Variants in SLCO2B1 observed in about 807,000 individuals in gnomAD.
SLCO2B1 encodes the protein OATP-RP2.
SLCO2B1 carries 41 observed loss-of-function variants against 67.3 expected under a neutral mutation model. The observed-to-expected ratio is 0.61, with a 90% CI of 0.47 to 0.79. The LOEUF (loss-of-function observed/expected upper bound fraction) is 0.79. SLCO2B1 is among the 30% of genes least tolerant of loss of function. The pLI, the probability that SLCO2B1 is intolerant of heterozygous loss-of-function variation, is 0.00. For missense variants in SLCO2B1, 837 were observed against 920.1 expected (o/e 0.91, Z 1.17); for synonymous variants, 379 against 381.4 (o/e 0.99, Z 0.07).
chr11:75,160,985 G>C (rs1407113829), intron 1 of SLCO2B1, among the ~76,000 whole-genome samples: 1 of 152,190 alleles, frequency 6.6e-6, no homozygotes, highest in Non-Finnish European at 1.5e-5. Flanking sequence ...AGTGTAAAAT[G>C]GTGTTGCCAC....
rs1480114083 is a variant in SLCO2B1, at chr11:75,193,043, G to A, written c.1076-175G>A. On this transcript the variant is annotated intron_variant, in intron 8 of 13. Transcript: ENST00000289575. This position sits in a 1 kb window ranked among gnomAD's most constrained non-coding sequence, Gnocchi z 4.2. ...GGGCGACAGAGAGAGAAAAAAAAAGGGACTAGAGTAAATGGAATGGAGTCA... is the reference window on the plus strand; with the variant it reads ...GGGCGACAGAGAGAGAAAAAAAAAGAGACTAGAGTAAATGGAATGGAGTCA... 6.6e-6 allele frequency among the ~76,000 whole-genome samples: 1 copy of A among 152,150 alleles called. No homozygotes were observed. Among genetic ancestry groups the A allele is most frequent in the African/African-American group, 2.4e-5 (1 of 41,434 alleles).
At position 75,198,786 on chromosome 11, in the gene SLCO2B1, C is replaced by T. The variant is rs148652494; in HGVS notation, c.1600-1438C>T. 2.6e-3 allele frequency among the ~76,000 whole-genome samples: 397 copies of T among 152,276 alleles called. 3 individuals carry two copies. The highest frequency in any genetic ancestry group is 9.2e-3 in the African/African-American group (382 of 41,546). On this transcript the variant is annotated intron_variant, in intron 10 of 13. Coordinates refer to ENST00000289575, the MANE Select transcript of SLCO2B1 (RefSeq NM_007256.5). ...GGTGGCTCAGTGCCCAGCACAGCTG[C>T]TCAGTAACAGCTTATGAGTGCATGA...
intron 7 of SLCO2B1, 24 bp from the exon 8 acceptor site, chr11:75,188,112 T>C: frequency 1.3e-6 from 2 of 1,570,350 alleles, no homozygotes; most frequent in Non-Finnish European, 1.8e-6. Context: ...CAGCGGACTG[T>C]CCTTGGTTTT....
chr11:75,151,654 T>G (rs1350705439), intron 1 of SLCO2B1: 1 of 551,422 alleles, frequency 1.8e-6, no homozygotes, highest in Admixed American at 3.2e-5. Context: ...GACCGAGACT[T>G]AGAGGACAAC....
At chr11:75,203,509 G>A (rs1945219622) in intron 13 of SLCO2B1, 82 bp downstream of exon 13, 2 of 1,566,468 alleles carry the variant, frequency 1.3e-6, no homozygotes, top group Admixed American at 1.7e-5. Context: ...AGGGAGGGGA[G>A]GTTTCATTTA....
intron 7 of SLCO2B1, among the ~76,000 whole-genome samples, chr11:75,174,678 C>T (rs1014715802): frequency 6.6e-6 from 1 of 152,046 alleles, no homozygotes; most frequent in Admixed American, 6.5e-5. Flanking sequence ...GCCAAAGTTT[C>T]GAGAAGATGA....
chr11:75,158,523 T>C (rs1174771052), intron 1 of SLCO2B1, among the ~76,000 whole-genome samples: 1 of 152,034 alleles, frequency 6.6e-6, no homozygotes, highest in Non-Finnish European at 1.5e-5. Context: ...ACAGCAACTC[T>C]CAAATGAGAA....
At chr11:75,187,782 G>A (rs1034373359) in intron 7 of SLCO2B1, among the ~76,000 whole-genome samples, 1 of 152,264 alleles carries the variant, frequency 6.6e-6, no homozygotes, top group Middle Eastern at 3.4e-3. Flanking sequence ...TGATGTGAAT[G>A]AGGGTGATAT....
Position 75,193,069 on chromosome 11 carries a change from A to G in SLCO2B1, c.1076-149A>G. 1 of 629,106 alleles carries G rather than the reference A, an allele frequency of 1.6e-6. No homozygotes were observed. The highest frequency in any genetic ancestry group is 2.8e-6 in the Non-Finnish European group (1 of 362,608). The allele number at this position is 629,106 out of a possible 1,614,324, so 39.0% of individuals were successfully genotyped here. A position where few individuals can be genotyped will look rare whatever the true frequency, so the allele number is the denominator to read the frequency against. On this transcript the variant is annotated intron_variant, in intron 8 of 13. Coordinates refer to ENST00000289575, the MANE Select transcript of SLCO2B1 (RefSeq NM_007256.5). The surrounding 1 kb of genome is among the most constrained non-coding windows in gnomAD (Gnocchi z 4.2). ...GACTAGAGTAAATGGAATGGAGTCA[A>G]GTGGGATAAAATTGATTGCAATAGA...
intron 3 of SLCO2B1, among the ~76,000 whole-genome samples, chr11:75,165,268 C>T (rs560473491): frequency 3.2e-4 from 49 of 152,176 alleles, no homozygotes; most frequent in African/African-American, 1.2e-3. Flanking sequence ...CCCGTCTCTA[C>T]TAAAAATGCA....
chr11:75,159,998 C>T (rs981914475), intron 1 of SLCO2B1: 1 of 344,506 alleles, frequency 2.9e-6, no homozygotes, highest in African/African-American at 2.2e-5. Flanking sequence ...ACCAGTATAC[C>T]CAGGAAGCTA....
intron 7 of SLCO2B1, among the ~76,000 whole-genome samples, chr11:75,179,665 A>G (rs1054047163): frequency 6.6e-6 from 1 of 152,254 alleles, no homozygotes; most frequent in Non-Finnish European, 1.5e-5. Context: ...TGTATAACCA[A>G]TCAATAGAAT....
chr11:75,162,870 T>G, intron 2 of SLCO2B1, 85 bp downstream of exon 2: 1 of 1,466,958 alleles, frequency 6.8e-7, no homozygotes, highest in Non-Finnish European at 9.2e-7. Context: ...AAGGAAGACT[T>G]TCTCTGAGCC....
In SLCO2B1 at chr11:75,196,551, G is replaced by A; in HGVS notation, c.1471G>A (p.Glu491Lys). The change falls in exon 10 of 14, where the codon GAG (glutamate) becomes AAG (lysine). Residue 491 changes from glutamate to lysine, a missense_variant. Coordinates refer to ENST00000289575, the MANE Select transcript of SLCO2B1 (RefSeq NM_007256.5). ...PGLELSPSCMEACSCPLDGFN... is the reference protein window; with the variant it reads ...PGLELSPSCMKACSCPLDGFN... ...GCTGGAGCTGTCTCCAAGCTGCATG[G>A]AGGCCTGCTCCTGCCCATTGGACGG... is the stretch of plus-strand genomic sequence containing the variant. 6.2e-7 allele frequency: 1 copy of A among 1,614,032 alleles called. No individual in the cohort carries two copies. The highest frequency in any genetic ancestry group is 8.5e-7 in the Non-Finnish European group (1 of 1,180,000).
chr11:75,194,825 C>A (rs1412151510), intron 9 of SLCO2B1, among the ~76,000 whole-genome samples: 1 of 152,184 alleles, frequency 6.6e-6, no homozygotes, highest in East Asian at 1.9e-4. Flanking sequence ...CTTTTCTTCT[C>A]CCTTTCACAC....
chr11:75,172,663 C>T, intron 7 of SLCO2B1, 94 bp downstream of exon 7: 1 of 1,176,036 alleles, frequency 8.5e-7, no homozygotes, highest in Non-Finnish European at 1.2e-6. Context: ...GGCGTGGTGG[C>T]TCACATCTGT....
intron 7 of SLCO2B1, among the ~76,000 whole-genome samples, chr11:75,174,983 G>A (rs1950006012): frequency 6.6e-6 from 1 of 152,168 alleles, no homozygotes; most frequent in Non-Finnish European, 1.5e-5. Context: ...CAGATTCTGA[G>A]AATGCACGAG....
rs748361865 is a variant in SLCO2B1 at position 75,151,335 on chromosome 11, G to A, written c.-47G>A. The stretch of plus-strand genomic sequence containing the variant: ...CTTCCTCTCCCCTGCTAAGCTCCAG[G>A]TCCTGAGATTAAATTAGGGGCTGGA... On this transcript the variant is annotated 5_prime_UTR_variant, in exon 1 of 14. Coordinates refer to ENST00000289575, the MANE Select transcript of SLCO2B1 (RefSeq NM_007256.5). 1.9e-6 allele frequency: 3 copies of A among 1,597,638 alleles called. No individual in the cohort carries two copies. Among genetic ancestry groups the A allele is most frequent in the Non-Finnish European group, 2.6e-6 (3 of 1,167,926 alleles).
chr11:75,153,748 G>T (rs1949716588), intron 1 of SLCO2B1, among the ~76,000 whole-genome samples: 1 of 152,184 alleles, frequency 6.6e-6, no homozygotes, highest in Non-Finnish European at 1.5e-5. Flanking sequence ...TTAAGCCAAA[G>T]AAGTTGATGG....
Sources: allele counts gnomAD v4.1 joint callset (sites outside exome capture counted in the v4.1 genomes callset), GRCh38; gene constraint gnomAD v4.1.1; non-coding constraint Gnocchi (gnomAD v3.1); transcripts MANE v1.5; gene names NCBI Gene and HGNC (gene_info 2026-07-23, HGNC 2026-07-21).